The following PCDHGC4 variants were observed in gnomAD, a reference collection of about 807,000 sequenced individuals.
PCDHGC4 encodes protocadherin gamma-C4.
PCDHGC4 carries 15 observed loss-of-function variants against 59.7 expected under a neutral mutation model. The ratio of observed to expected loss-of-function variants is 0.25; its 90% CI spans 0.17 to 0.39. The LOEUF (loss-of-function observed/expected upper bound fraction) is 0.39, where lower values mean the gene tolerates loss of function less well. Among genes scored for constraint, PCDHGC4 ranks in the 10% least tolerant of loss-of-function variants. The pLI is 1.00. For missense variants in PCDHGC4, 1,016 were observed against 1,189.5 expected (o/e 0.85, Z 2.15); for synonymous variants, 434 against 481.4 (o/e 0.90, Z 1.29).
Position 141,512,423 on chromosome 5 carries a change from T to C in PCDHGC4, c.*1250T>C, listed in dbSNP as rs2099884220. ...GATGGGGCTTCTTCAACAGGGCCCC[T>C]GCCCTCCTGAAGCCTCAGTCCTTCA... is the stretch of plus-strand genomic sequence containing the variant. On this transcript the variant is annotated 3_prime_UTR_variant, in exon 4 of 4. Transcript: ENST00000306593. 1 of 152,754 alleles carries C rather than the reference T, an allele frequency of 6.5e-6. No individual in the cohort carries two copies. The highest frequency in any genetic ancestry group is 6.5e-5 in the Admixed American group (1 of 15,274). The allele number at this position is 152,754 out of a possible 1,614,324, so 9.5% of individuals were successfully genotyped here.
At position 141,489,244 on chromosome 5, in the gene PCDHGC4, G is replaced by A. The variant is rs145484133; in HGVS notation, c.2442+1629G>A. ...TCCACAAAGGGACTTCTGGGTCATG[G>A]GGCCCAAGACACTCCCACAGCTCGC... On this transcript the variant is annotated intron_variant, in intron 1 of 3. Coordinates refer to ENST00000306593, the MANE Select transcript of PCDHGC4 (RefSeq NM_018928.3). This position sits in a 1 kb window ranked among gnomAD's most constrained non-coding sequence, Gnocchi z 4.5. 5 of 1,534,936 alleles carry A rather than the reference G, an allele frequency of 3.3e-6. No individual in the cohort carries two copies. In the African/African-American group the frequency reaches 5.5e-5, roughly 17 times the overall value.
chr5:141,490,344 AGTGGGGTTGTTTAAT>A lies in PCDHGC4; in HGVS notation c.2442+2733_2442+2747del. The A allele has an allele frequency of 6.2e-7, 1 of 1,614,178 alleles. No individual in the cohort carries two copies. The highest frequency in any genetic ancestry group is 8.5e-7 in the Non-Finnish European group (1 of 1,180,030). ...TAGAGAGCACACCAGTGGGCACAGT[AGTGGGGTTGTTTAAT>A]GTGCGAGACCGGGACTCAGGTAGAA... On this transcript the variant is annotated intron_variant, in intron 1 of 3. Coordinates refer to ENST00000306593, the MANE Select transcript of PCDHGC4 (RefSeq NM_018928.3). This position sits in a 1 kb window ranked among gnomAD's most constrained non-coding sequence, Gnocchi z 5.4.
At chr5:141,499,061 G>A (rs1300036203) in intron 2 of PCDHGC4, among the ~76,000 whole-genome samples, 1 of 151,914 alleles carries the variant, frequency 6.6e-6, no homozygotes, top group African/African-American at 2.4e-5. Flanking sequence ...AAATGAAGAA[G>A]ACTTACATTC....
chr5:141,485,944 G>C lies in PCDHGC4; in HGVS notation c.771G>C (p.Ala257=), dbSNP rs2099621875. 1 of 1,613,998 alleles carries C rather than the reference G, an allele frequency of 6.2e-7. No homozygotes were observed. ...YRISVLESAP[A]GMVLIQLNAS... is the part of the protein sequence containing the mutation. Reference sequence around the variant, plus strand: ...TTAGTGTGTTGGAGAGCGCACCAGCGGGCATGGTGCTCATCCAGCTCAATG... The same window carrying C: ...TTAGTGTGTTGGAGAGCGCACCAGCCGGCATGGTGCTCATCCAGCTCAATG... The change falls in exon 1 of 4, where the codon GCG becomes GCC. Residue 257 remains alanine, a synonymous_variant. Transcript: ENST00000306593. This position sits in a 1 kb window ranked among gnomAD's most constrained non-coding sequence, Gnocchi z 5.7.
Position 141,493,022 on chromosome 5 carries a change from G to T in PCDHGC4, c.2443-1785G>T, listed in dbSNP as rs1184742888. ...GCTATAGGCTCTGCCAGATGCCAGG[G>T]TGCCCTTATGTGTGAGGAAACTACA... On this transcript the variant is annotated intron_variant, in intron 1 of 3. Transcript: ENST00000306593. The surrounding 1 kb of genome is among the most constrained non-coding windows in gnomAD (Gnocchi z 4.3). Among the ~76,000 whole-genome samples the T allele has an allele frequency of 1.3e-5, 2 of 152,222 alleles. No individual in the cohort carries two copies. Among genetic ancestry groups the T allele is most frequent in the Admixed American group, 1.3e-4 (2 of 15,282 alleles).
intron 3 of PCDHGC4, among the ~76,000 whole-genome samples, chr5:141,509,109 G>A (rs893509101): frequency 5.3e-5 from 8 of 152,240 alleles, no homozygotes; most frequent in African/African-American, 1.9e-4. Flanking sequence ...AAACCTGAGC[G>A]CTGGTGCGTG....
In PCDHGC4 at chr5:141,489,098, T is replaced by C; in HGVS notation, c.2442+1483T>C. 1 of 293,346 alleles carries C rather than the reference T, an allele frequency of 3.4e-6. No homozygotes were observed. The highest frequency in any genetic ancestry group is 5.5e-5 in the South Asian group (1 of 18,124). The allele number at this position is 293,346 out of a possible 1,614,324, so 18.2% of individuals were successfully genotyped here. A position where few individuals can be genotyped will look rare whatever the true frequency, so the allele number is the denominator to read the frequency against. ...CCCCCGCCACTCGGTGACTAAGAAC[T>C]GCTGCAAGCAGGCAAACCTCCGAGC... On this transcript the variant is annotated intron_variant, in intron 1 of 3. Transcript: ENST00000306593. The surrounding 1 kb of genome is among the most constrained non-coding windows in gnomAD (Gnocchi z 4.5).
At chr5:141,492,705 C>T (rs2099743225) in intron 1 of PCDHGC4, among the ~76,000 whole-genome samples, 1 of 152,258 alleles carries the variant, frequency 6.6e-6, no homozygotes, top group South Asian at 2.1e-4. Flanking sequence ...ACCCAGAAGC[C>T]TCGAGCAGGC....
At position 141,487,666 on chromosome 5, in the gene PCDHGC4, C is replaced by T. The variant is rs2099657736; in HGVS notation, c.2442+51C>T. 1 of 1,612,838 alleles carries T rather than the reference C, an allele frequency of 6.2e-7. No homozygotes were observed. Among genetic ancestry groups the T allele is most frequent in the South Asian group, 1.1e-5 (1 of 90,712 alleles). Reference sequence around the variant, plus strand: ...TGCTTGAGGGTTATTCTGATCCAGGCATATGGCTAGGCCATGTCCTAGAGA... The same window carrying T: ...TGCTTGAGGGTTATTCTGATCCAGGTATATGGCTAGGCCATGTCCTAGAGA... On this transcript the variant is annotated intron_variant, in intron 1 of 3. Coordinates refer to ENST00000306593, the MANE Select transcript of PCDHGC4 (RefSeq NM_018928.3). This position sits in a 1 kb window ranked among gnomAD's most constrained non-coding sequence, Gnocchi z 5.0.
Position 141,511,253 on chromosome 5 carries a change from A to G in PCDHGC4, c.*80A>G. The G allele has an allele frequency of 1.3e-6, 2 of 1,568,402 alleles. No homozygotes were observed. The highest frequency in any genetic ancestry group is 1.7e-6 in the Non-Finnish European group (2 of 1,157,066). On this transcript the variant is annotated 3_prime_UTR_variant, in exon 4 of 4. Coordinates refer to ENST00000306593, the MANE Select transcript of PCDHGC4 (RefSeq NM_018928.3). ...CTCCTTACCTGCACCCAGGCCTCAG[A>G]GTTTCAGGGCTAACCCCCAGAATAC...
rs1410729947 is a variant in PCDHGC4 at position 141,493,256 on chromosome 5, T to TA, written c.2443-1550dup. 3.3e-5 allele frequency among the ~76,000 whole-genome samples: 5 copies of TA among 152,306 alleles called. No homozygotes were observed. The highest frequency in any genetic ancestry group is 1.2e-4 in the African/African-American group (5 of 41,570). ...TGGCTAGGTACTAACATGCCTCTCT[T>TA]ATAACAGCTTCACAGAGGTCAAGTG... On this transcript the variant is annotated intron_variant, in intron 1 of 3. Transcript: ENST00000306593. This position sits in a 1 kb window ranked among gnomAD's most constrained non-coding sequence, Gnocchi z 4.3.
chr5:141,509,825 C>A (rs1057042581), intron 3 of PCDHGC4, among the ~76,000 whole-genome samples: 18 of 152,222 alleles, frequency 1.2e-4, no homozygotes, highest in African/African-American at 1.2e-4. Context: ...TCTCCATCTT[C>A]TCTCTACCTC....
chr5:141,507,601 A>G (rs2099861935), intron 3 of PCDHGC4, among the ~76,000 whole-genome samples: 1 of 152,254 alleles, frequency 6.6e-6, no homozygotes, highest in South Asian at 2.1e-4. Flanking sequence ...TGAGGGAAAT[A>G]AACAGGTATA....
At chr5:141,509,570 G>A (rs2099877371) in intron 3 of PCDHGC4, among the ~76,000 whole-genome samples, 1 of 152,232 alleles carries the variant, frequency 6.6e-6, no homozygotes, top group South Asian at 2.1e-4. Flanking sequence ...AGCCTTCACA[G>A]TGCGTACAAA....
rs753051237 is a variant in PCDHGC4, at chr5:141,490,422, A to G, written c.2442+2807A>G. On this transcript the variant is annotated intron_variant, in intron 1 of 3. Coordinates refer to ENST00000306593, the MANE Select transcript of PCDHGC4 (RefSeq NM_018928.3). This position sits in a 1 kb window ranked among gnomAD's most constrained non-coding sequence, Gnocchi z 5.4. Reference sequence around the variant, plus strand: ...GCCTTGATATCTCTCCGGACCTGCCATTTCAGATTAAGCCTTCTGAGAACC... The same window carrying G: ...GCCTTGATATCTCTCCGGACCTGCCGTTTCAGATTAAGCCTTCTGAGAACC... 1 of 1,614,178 alleles carries G rather than the reference A, an allele frequency of 6.2e-7. No individual in the cohort carries two copies. The highest frequency in any genetic ancestry group is 1.7e-5 in the Admixed American group (1 of 60,030).
Position 141,491,726 on chromosome 5 carries a change from C to A in PCDHGC4, c.2443-3081C>A, listed in dbSNP as rs1018940432. ...GTGAGGGGCTCGGCGCCGCCCCGGG[C>A]GACCCCTGGGGGCGGCACTGGAGAA... On this transcript the variant is annotated intron_variant, in intron 1 of 3. Coordinates refer to ENST00000306593, the MANE Select transcript of PCDHGC4 (RefSeq NM_018928.3). This position sits in a 1 kb window ranked among gnomAD's most constrained non-coding sequence, Gnocchi z 6.9. 2.2e-5 allele frequency: 36 copies of A among 1,605,766 alleles called. No individual in the cohort carries two copies. Among genetic ancestry groups the A allele is most frequent in the African/African-American group, 4.0e-5 (3 of 74,588 alleles).
chr5:141,485,577 G>A lies in PCDHGC4; in HGVS notation c.404G>A (p.Arg135Gln). ...DVNDHAPRFP[R>Q]QQLDLEIGEA... Reference sequence around the variant, plus strand: ...AATGATCACGCCCCCCGTTTTCCGCGGCAGCAGCTGGACTTGGAAATTGGG... The same window carrying A: ...AATGATCACGCCCCCCGTTTTCCGCAGCAGCAGCTGGACTTGGAAATTGGG... Residue 135 changes from arginine to glutamine, a missense_variant, in exon 1 of 4, where the codon CGG becomes CAG. Transcript: ENST00000306593. This position sits in a 1 kb window ranked among gnomAD's most constrained non-coding sequence, Gnocchi z 5.7. 2 of 1,612,500 alleles carry A rather than the reference G, an allele frequency of 1.2e-6. No individual in the cohort carries two copies. Among genetic ancestry groups the A allele is most frequent in the Non-Finnish European group, 8.5e-7 (1 of 1,178,676 alleles).
chr5:141,509,477 G>A (rs753058277), intron 3 of PCDHGC4, among the ~76,000 whole-genome samples: 7 of 152,166 alleles, frequency 4.6e-5, no homozygotes, highest in African/African-American at 7.2e-5. Context: ...CAGGTGAGGG[G>A]TAGAGGTGAT....
At position 141,511,423 on chromosome 5, in the gene PCDHGC4, A is replaced by G. The variant is rs1301463531; in HGVS notation, c.*250A>G. On this transcript the variant is annotated 3_prime_UTR_variant, in exon 4 of 4. Transcript: ENST00000306593. ...AATCAACTGCTGTACCCATGGGGGTAGTGGGGTTACTGTAGACACCAAGAA... is the reference window on the plus strand; with the variant it reads ...AATCAACTGCTGTACCCATGGGGGTGGTGGGGTTACTGTAGACACCAAGAA... 15 of 818,384 alleles carry G rather than the reference A, an allele frequency of 1.8e-5. No homozygotes were observed. Among genetic ancestry groups the G allele is most frequent in the East Asian group, 3.0e-5 (1 of 33,874 alleles). 50.7% of individuals were successfully genotyped at this position (818,384 alleles called of 1,614,324 possible). A position where few individuals can be genotyped will look rare whatever the true frequency, so the allele number is the denominator to read the frequency against.
Sources: gnomAD v4.1 joint callset for allele counts (sites outside exome capture counted in the v4.1 genomes callset) on GRCh38, gnomAD v4.1.1 for gene constraint, Gnocchi (gnomAD v3.1) non-coding constraint, MANE v1.5 for transcripts, NCBI Gene and HGNC (gene_info 2026-07-23, HGNC 2026-07-21) for gene names.